Variants in KCNMB2 observed in about 807,000 individuals in gnomAD.
The protein encoded by KCNMB2 is potassium calcium-activated channel subfamily M regulatory beta subunit 2.
KCNMB2 carries 9 observed loss-of-function variants against 24.5 expected under a neutral mutation model. That is an observed-to-expected ratio of 0.37 (90% CI 0.22 to 0.64). KCNMB2 has a LOEUF of 0.64. Among genes scored for constraint, KCNMB2 ranks in the 30% least tolerant of loss-of-function variants. The pLI, the probability that KCNMB2 is intolerant of heterozygous loss-of-function variation, is 0.63. For missense variants in KCNMB2, 226 were observed against 284.3 expected, an observed-to-expected ratio of 0.79 and a Z score of 1.47; for synonymous variants, 109 against 104.4, an observed-to-expected ratio of 1.04 and a Z score of -0.27.
At chr3:178,783,831 C>T (rs552469567) in intron 1 of KCNMB2, among the ~76,000 whole-genome samples, 30 of 152,158 alleles carry the variant, frequency 2.0e-4, no homozygotes, top group Admixed American at 1.2e-3. Flanking sequence ...AACACTATGT[C>T]GAATAGGAGT....
intron 1 of KCNMB2, among the ~76,000 whole-genome samples, chr3:178,566,000 C>T (rs970587555): frequency 4.6e-5 from 7 of 152,118 alleles, no homozygotes; most frequent in African/African-American, 1.4e-4. Context: ...ATGATAGTAA[C>T]TTATCTCTTT....
intron 1 of KCNMB2, among the ~76,000 whole-genome samples, chr3:178,619,690 A>G (rs985376311): frequency 6.6e-6 from 1 of 152,218 alleles, no homozygotes; most frequent in Non-Finnish European, 1.5e-5. Flanking sequence ...TTTCATTTCC[A>G]TCATCTTTAA....
Position 178,778,316 on chromosome 3 carries a change from T to C in KCNMB2, c.-67-29027T>C, listed in dbSNP as rs867880480. On this transcript the variant is annotated intron_variant, in intron 1 of 4. Transcript: ENST00000452583. ...AATTCCTACTATGTACCAATAATAA[T>C]TCTATTTTAAAAATAAAAAAACAGG... is the stretch of plus-strand genomic sequence containing the variant. 3.9e-5 allele frequency among the ~76,000 whole-genome samples: 6 copies of C among 152,078 alleles called. No individual in the cohort carries two copies. The South Asian group carries it at 1.2e-3, about 32-fold the overall frequency.
intron 4 of KCNMB2, among the ~76,000 whole-genome samples, chr3:178,838,950 T>C (rs1157103387): frequency 6.6e-6 from 1 of 152,208 alleles, no homozygotes; most frequent in Non-Finnish European, 1.5e-5. Context: ...CTGAAAATTA[T>C]AATGTTTTGA....
At chr3:178,798,707 C>T (rs527741661) in intron 1 of KCNMB2, among the ~76,000 whole-genome samples, 37 of 151,898 alleles carry the variant, frequency 2.4e-4, no homozygotes, top group Admixed American at 4.6e-4. Flanking sequence ...GGGAACTACA[C>T]ACACCAGGGC....
At chr3:178,733,696 G>A (rs1159636104) in intron 1 of KCNMB2, among the ~76,000 whole-genome samples, 1 of 152,024 alleles carries the variant, frequency 6.6e-6, no homozygotes, top group Non-Finnish European at 1.5e-5. Context: ...AGCTAGGATG[G>A]TCTTGATCTC....
At chr3:178,646,189 C>T (rs1355526011) in intron 1 of KCNMB2, among the ~76,000 whole-genome samples, 1 of 152,084 alleles carries the variant, frequency 6.6e-6, no homozygotes, top group East Asian at 1.9e-4. Flanking sequence ...GATGATAGTC[C>T]TGGAGAGATA....
chr3:178,574,905 T>C (rs1214296272), intron 1 of KCNMB2, among the ~76,000 whole-genome samples: 15 of 151,998 alleles, frequency 9.9e-5, no homozygotes, highest in African/African-American at 2.7e-4. Flanking sequence ...CCGTCTCTAC[T>C]AAAAATGCAA....
intron 1 of KCNMB2, among the ~76,000 whole-genome samples, chr3:178,800,438 T>C (rs929825772): frequency 2.0e-4 from 30 of 152,088 alleles, no homozygotes; most frequent in African/African-American, 5.3e-4. Context: ...CTCAACATCA[T>C]TGGTCATCAA....
At chr3:178,666,255 T>G (rs1357683601) in intron 1 of KCNMB2, among the ~76,000 whole-genome samples, 3 of 152,146 alleles carry the variant, frequency 2.0e-5, no homozygotes, top group Non-Finnish European at 4.4e-5. Flanking sequence ...AAGAGATAGA[T>G]GAAGACAATG....
intron 4 of KCNMB2, among the ~76,000 whole-genome samples, chr3:178,828,953 G>A (rs1477668556): frequency 6.7e-6 from 1 of 148,224 alleles, no homozygotes; most frequent in African/African-American, 2.6e-5. Context: ...GTGTGTGTGT[G>A]TGTGTGTGTG....
At chr3:178,688,913 T>C (rs184097546) in intron 1 of KCNMB2, among the ~76,000 whole-genome samples, 1 of 152,334 alleles carries the variant, frequency 6.6e-6, no homozygotes, top group East Asian at 1.9e-4. Flanking sequence ...TATTTATTTT[T>C]ATTTGAACAG....
Position 178,629,640 on chromosome 3 carries a change from A to G in KCNMB2, c.-68+92929A>G, listed in dbSNP as rs116188700. ...GTAATAGTTACAGAGTACCTCTTATAGTAAAAGCTTTGTGCCAGACACACA... is the reference window on the plus strand; with the variant it reads ...GTAATAGTTACAGAGTACCTCTTATGGTAAAAGCTTTGTGCCAGACACACA... On this transcript the variant is annotated intron_variant, in intron 1 of 4. Transcript: ENST00000452583. Among the ~76,000 whole-genome samples, 1,180 of 152,334 alleles carry G rather than the reference A, an allele frequency of 7.7e-3. 16 individuals are homozygous for G. The highest frequency in any genetic ancestry group is 0.027 in the African/African-American group (1,141 of 41,578).
chr3:178,677,219 C>A (rs1721100475), intron 1 of KCNMB2, among the ~76,000 whole-genome samples: 1 of 152,190 alleles, frequency 6.6e-6, no homozygotes, highest in Non-Finnish European at 1.5e-5. Flanking sequence ...CCACGCTGAC[C>A]TCAGTTGACA....
At chr3:178,666,895 C>T (rs1015872908) in intron 1 of KCNMB2, among the ~76,000 whole-genome samples, 18 of 152,118 alleles carry the variant, frequency 1.2e-4, no homozygotes, top group African/African-American at 1.4e-4. Flanking sequence ...CCTACAGATA[C>T]GAAACTCTTC....
intron 1 of KCNMB2, among the ~76,000 whole-genome samples, chr3:178,785,520 G>A (rs755083893): frequency 2.0e-4 from 30 of 151,702 alleles, no homozygotes; most frequent in East Asian, 3.8e-4. Context: ...CATATTGACC[G>A]ATTCAAATTT....
intron 1 of KCNMB2, among the ~76,000 whole-genome samples, chr3:178,620,495 G>A (rs1718869195): frequency 6.6e-6 from 1 of 152,188 alleles, no homozygotes; most frequent in African/African-American, 2.4e-5. Context: ...GGTGCTAGCA[G>A]ATTCAGTGTC....
At chr3:178,658,314 T>G (rs564078825) in intron 1 of KCNMB2, among the ~76,000 whole-genome samples, 30 of 152,326 alleles carry the variant, frequency 2.0e-4, no homozygotes, top group African/African-American at 5.5e-4. Flanking sequence ...TCCCTCATAA[T>G]AACAAGTCCA....
At chr3:178,707,567 T>C (rs1310959800) in intron 1 of KCNMB2, among the ~76,000 whole-genome samples, 1 of 152,140 alleles carries the variant, frequency 6.6e-6, no homozygotes, top group African/African-American at 2.4e-5. Flanking sequence ...TGGCTGCCCA[T>C]TAAAACCATC....
Sources: gnomAD v4.1 joint callset for allele counts (sites outside exome capture counted in the v4.1 genomes callset) on GRCh38, gnomAD v4.1.1 for gene constraint, MANE v1.5 for transcripts, NCBI Gene and HGNC (gene_info 2026-07-23, HGNC 2026-07-21) for gene names.